The following CNTN5 variants were observed in gnomAD, a reference collection of about 807,000 sequenced individuals.
CNTN5 encodes the protein contactin 5.
In CNTN5, 77 loss-of-function variants were observed where a neutral mutation model predicts 129.1. That is an observed-to-expected ratio of 0.60 (90% CI 0.50 to 0.72). CNTN5 has a LOEUF of 0.72. CNTN5 is among the 30% of genes least tolerant of loss of function. The pLI, the probability that CNTN5 is intolerant of heterozygous loss-of-function variation, is 0.00. For synonymous variants in CNTN5, 509 were observed against 465.6 expected, an observed-to-expected ratio of 1.09 and a Z score of -1.20; for missense variants, 1,478 against 1,328.8, an observed-to-expected ratio of 1.11 and a Z score of -1.75.
At chr11:99,853,546 T>C (rs1947942545) in intron 6 of CNTN5, among the ~76,000 whole-genome samples, 1 of 152,020 alleles carries the variant, frequency 6.6e-6, no homozygotes. Context: ...ATTACAGGCA[T>C]GCGCCACCAT....
chr11:99,030,926 G>A (rs369044497), intron 1 of CNTN5, among the ~76,000 whole-genome samples: 2 of 151,720 alleles, frequency 1.3e-5, no homozygotes, highest in African/African-American at 4.8e-5. Context: ...GACTGGAGGC[G>A]CTCGCCACCA....
intron 9 of CNTN5, among the ~76,000 whole-genome samples, chr11:100,048,677 G>T (rs1942810005): frequency 6.6e-6 from 1 of 151,784 alleles, no homozygotes; most frequent in Non-Finnish European, 1.5e-5. Context: ...TAGATAAAGA[G>T]AAGTAAAATG....
intron 8 of CNTN5, among the ~76,000 whole-genome samples, chr11:99,969,486 T>G (rs985939186): frequency 6.6e-6 from 1 of 152,148 alleles, no homozygotes; most frequent in Admixed American, 6.5e-5. Flanking sequence ...AGAAACTACT[T>G]GACACTCAAT....
chr11:99,563,828 A>T (rs983093164), intron 3 of CNTN5, among the ~76,000 whole-genome samples: 1 of 152,196 alleles, frequency 6.6e-6, no homozygotes, highest in Non-Finnish European at 1.5e-5. Context: ...GAAAATCCCC[A>T]GTTTACAAGC....
intron 9 of CNTN5, among the ~76,000 whole-genome samples, chr11:100,027,884 A>G (rs1375547759): frequency 6.6e-6 from 1 of 152,184 alleles, no homozygotes; most frequent in African/African-American, 2.4e-5. Flanking sequence ...TTTTGCGACT[A>G]TTCTTTCATG....
chr11:99,683,182 G>A (rs1037756743), intron 3 of CNTN5, among the ~76,000 whole-genome samples: 2 of 151,294 alleles, frequency 1.3e-5, no homozygotes, highest in African/African-American at 4.9e-5. Flanking sequence ...TTTTTTTATT[G>A]TTAGTACTTC....
At chr11:100,186,510 G>A (rs2138479586) in intron 13 of CNTN5, among the ~76,000 whole-genome samples, 1 of 152,272 alleles carries the variant, frequency 6.6e-6, no homozygotes, top group East Asian at 1.9e-4. Context: ...CATGAACTGG[G>A]CTACTGGACA....
intron 1 of CNTN5, among the ~76,000 whole-genome samples, chr11:99,308,922 T>G (rs969448717): frequency 3.9e-5 from 6 of 152,182 alleles, no homozygotes; most frequent in African/African-American, 1.4e-4. Context: ...AATCTGCTTT[T>G]AAGCCCATCC....
At chr11:99,072,738 G>A (rs1002320391) in intron 1 of CNTN5, among the ~76,000 whole-genome samples, 3 of 151,926 alleles carry the variant, frequency 2.0e-5, no homozygotes, top group African/African-American at 7.3e-5. Flanking sequence ...TTGAGATATA[G>A]CATATACTCA....
chr11:100,339,002 T>C (rs1372538465), intron 21 of CNTN5, among the ~76,000 whole-genome samples: 1 of 151,852 alleles, frequency 6.6e-6, no homozygotes, highest in Non-Finnish European at 1.5e-5. Context: ...CATGGATGGC[T>C]GTGTGTTAGC....
At chr11:99,446,719 T>C (rs1054198354) in intron 2 of CNTN5, among the ~76,000 whole-genome samples, 3 of 152,224 alleles carry the variant, frequency 2.0e-5, no homozygotes, top group African/African-American at 4.8e-5. Context: ...TTGATATTTC[T>C]GCCACCAAAG....
intron 6 of CNTN5, among the ~76,000 whole-genome samples, chr11:99,903,705 C>G (rs970332815): frequency 6.6e-6 from 1 of 152,136 alleles, no homozygotes; most frequent in Non-Finnish European, 1.5e-5. Flanking sequence ...AGCTTTAAAA[C>G]TATGGTAGTT....
In CNTN5 at chr11:99,722,270, G is replaced by GT. The variant is rs1943197880; in HGVS notation, c.56-97273dup. 2.6e-5 allele frequency among the ~76,000 whole-genome samples: 4 copies of GT among 152,246 alleles called. No homozygotes were observed. The South Asian group carries it at 8.3e-4, about 32-fold the overall frequency. ...TGACAGATTACATAAAGAAAATGTG[G>GT]TACATATACACTGTGGAATGCTATG... is the stretch of plus-strand genomic sequence containing the variant. On this transcript the variant is annotated intron_variant, in intron 3 of 24. Coordinates refer to ENST00000524871, the MANE Select transcript of CNTN5 (RefSeq NM_014361.4).
intron 1 of CNTN5, among the ~76,000 whole-genome samples, chr11:99,227,131 T>C (rs1288636537): frequency 6.6e-6 from 1 of 151,766 alleles, no homozygotes; most frequent in African/African-American, 2.4e-5. Flanking sequence ...GAGGCCGAGG[T>C]GGGTGGATCA....
chr11:99,822,745 T>C (rs1038859505), intron 4 of CNTN5, among the ~76,000 whole-genome samples: 5 of 152,206 alleles, frequency 3.3e-5, no homozygotes, highest in African/African-American at 9.7e-5. Context: ...CTAAAATGTC[T>C]CACAGTAATT....
At chr11:100,031,416 G>T (rs985903921) in intron 9 of CNTN5, among the ~76,000 whole-genome samples, 9 of 152,070 alleles carry the variant, frequency 5.9e-5, no homozygotes, top group African/African-American at 2.2e-4. Flanking sequence ...AAAAGCAGAT[G>T]TTCATACATC....
At chr11:99,285,881 T>A in intron 1 of CNTN5, among the ~76,000 whole-genome samples, 1 of 151,772 alleles carries the variant, frequency 6.6e-6, no homozygotes, top group South Asian at 2.1e-4. Flanking sequence ...CTACTAAAAA[T>A]ACAAAAATTA....
At chr11:99,274,258 A>G (rs1369056207) in intron 1 of CNTN5, among the ~76,000 whole-genome samples, 6 of 151,748 alleles carry the variant, frequency 4.0e-5, no homozygotes, top group Non-Finnish European at 8.8e-5. Context: ...AAGATCCCTA[A>G]TTTGAATCTA....
chr11:99,582,703 G>C (rs1427261451), intron 3 of CNTN5, among the ~76,000 whole-genome samples: 1 of 148,398 alleles, frequency 6.7e-6, no homozygotes, highest in African/African-American at 2.5e-5. Context: ...TCTCTGCATT[G>C]GTTATTCTAG....
Sources: gnomAD v4.1 joint callset for allele counts (sites outside exome capture counted in the v4.1 genomes callset) on GRCh38, gnomAD v4.1.1 for gene constraint, MANE v1.5 for transcripts, NCBI Gene and HGNC (gene_info 2026-07-23, HGNC 2026-07-21) for gene names.